Variants in TENM4 observed in about 807,000 individuals in gnomAD.
TENM4 encodes teneurin transmembrane protein 4, also known as teneurin-4.
TENM4 carries 82 observed loss-of-function variants against 243.3 expected under a neutral mutation model. The observed-to-expected ratio is 0.34, with a 90% CI of 0.28 to 0.40. The LOEUF is 0.40. TENM4 is among the 10% of genes least tolerant of loss of function. The pLI, the probability that TENM4 is intolerant of heterozygous loss-of-function variation, is 1.00. For missense variants in TENM4, 3,138 were observed against 3,673.3 expected (o/e 0.85, Z 3.77); for synonymous variants, 1,412 against 1,456.3 (o/e 0.97, Z 0.69).
intron 3 of TENM4, among the ~76,000 whole-genome samples, chr11:79,175,631 G>A (rs1296000989): frequency 6.6e-6 from 1 of 152,082 alleles, no homozygotes; most frequent in Non-Finnish European, 1.5e-5. Context: ...GAAATTAAAG[G>A]CAAACTTGTG....
intron 15 of TENM4, among the ~76,000 whole-genome samples, chr11:78,793,925 A>G (rs1857110883): frequency 6.6e-6 from 1 of 152,240 alleles, no homozygotes; most frequent in Non-Finnish European, 1.5e-5. Context: ...TACATCTTAG[A>G]TCATAGCCCC....
intron 12 of TENM4, among the ~76,000 whole-genome samples, chr11:78,823,982 C>T (rs771402156): frequency 2.0e-5 from 3 of 152,078 alleles, no homozygotes; most frequent in Non-Finnish European, 2.9e-5. Flanking sequence ...TTTCCCATTT[C>T]GTAGATGAGA....
intron 2 of TENM4, among the ~76,000 whole-genome samples, chr11:79,253,095 A>C (rs1454989488): frequency 6.6e-6 from 1 of 152,234 alleles, no homozygotes; most frequent in African/African-American, 2.4e-5. Context: ...ACACGAAAGT[A>C]AACTCAACAA....
chr11:79,298,476 C>G (rs1856494214), intron 1 of TENM4, among the ~76,000 whole-genome samples: 1 of 138,998 alleles, frequency 7.2e-6, no homozygotes, highest in African/African-American at 2.8e-5. Context: ...GATTGCGCCA[C>G]TGCAGTCCGC....
At chr11:79,033,176 T>C (rs143087487) in intron 6 of TENM4, among the ~76,000 whole-genome samples, 1 of 152,222 alleles carries the variant, frequency 6.6e-6, no homozygotes, top group Non-Finnish European at 1.5e-5. Flanking sequence ...AATTTGTTTA[T>C]TGGGTCACCC....
chr11:79,084,843 C>T (rs888321973), intron 4 of TENM4, among the ~76,000 whole-genome samples: 2 of 152,120 alleles, frequency 1.3e-5, no homozygotes, highest in South Asian at 2.1e-4. Context: ...GAAGTAAACA[C>T]GCACATGCAT....
intron 2 of TENM4, among the ~76,000 whole-genome samples, chr11:79,281,965 G>C (rs538730659): frequency 8.5e-5 from 13 of 152,264 alleles, no homozygotes; most frequent in African/African-American, 3.1e-4. Context: ...GCTTGGGCCT[G>C]GAAGGCCCTG....
At chr11:79,088,994 C>T (rs2137047627) in intron 4 of TENM4, among the ~76,000 whole-genome samples, 1 of 152,284 alleles carries the variant, frequency 6.6e-6, no homozygotes, top group South Asian at 2.1e-4. Context: ...CCTGCCTCTC[C>T]TGCAGACCCA....
At chr11:79,100,234 A>G (rs1861192778) in intron 4 of TENM4, among the ~76,000 whole-genome samples, 1 of 152,166 alleles carries the variant, frequency 6.6e-6, no homozygotes, top group Non-Finnish European at 1.5e-5. Context: ...ACTTTTCTCA[A>G]CTTAAAAAGC....
chr11:79,091,465 T>G lies in TENM4; in HGVS notation c.-65-21456A>C, dbSNP rs562146747. 3.3e-5 allele frequency among the ~76,000 whole-genome samples: 5 copies of G among 152,314 alleles called. No homozygotes were observed. The South Asian group carries it at 8.3e-4, about 25-fold the overall frequency. On this transcript the variant is annotated intron_variant, in intron 4 of 33. Transcript: ENST00000278550. ...CATTCCTCTACCCTGCGGAGGAAGCTTCTTTGCAGTCTTCAGCGTAATTTT... is the reference window on the plus strand; with the variant it reads ...CATTCCTCTACCCTGCGGAGGAAGCGTCTTTGCAGTCTTCAGCGTAATTTT...
intron 2 of TENM4, among the ~76,000 whole-genome samples, chr11:79,240,025 A>C (rs927922397): frequency 1.3e-5 from 2 of 152,216 alleles, no homozygotes; most frequent in Non-Finnish European, 1.5e-5. Flanking sequence ...TACTCGTCAC[A>C]GAAAACTATG....
chr11:79,040,320 C>T (rs1859488086), intron 6 of TENM4, among the ~76,000 whole-genome samples: 1 of 152,292 alleles, frequency 6.6e-6, no homozygotes, highest in African/African-American at 2.4e-5. Context: ...GGTGCTCGCT[C>T]AGCTCAGTTT....
chr11:79,319,294 T>G (rs1044325148), intron 1 of TENM4, among the ~76,000 whole-genome samples: 4 of 152,286 alleles, frequency 2.6e-5, no homozygotes, highest in Admixed American at 2.6e-4. Flanking sequence ...TATCCTTCAG[T>G]CAAACTCATT....
intron 2 of TENM4, among the ~76,000 whole-genome samples, chr11:79,229,148 T>A (rs1221090498): frequency 6.6e-6 from 1 of 152,236 alleles, no homozygotes; most frequent in East Asian, 1.9e-4. Context: ...TGGGATGAAC[T>A]GTCCCTTATG....
intron 2 of TENM4, among the ~76,000 whole-genome samples, chr11:79,260,717 G>A (rs1317244625): frequency 1.3e-5 from 2 of 152,090 alleles, no homozygotes; most frequent in Non-Finnish European, 2.9e-5. Flanking sequence ...CAAGCAGCAC[G>A]CCTCCGGTGC....
chr11:79,363,366 G>A (rs535594783), intron 1 of TENM4, among the ~76,000 whole-genome samples: 13 of 152,250 alleles, frequency 8.5e-5, no homozygotes, highest in Non-Finnish European at 1.6e-4. Context: ...CTCCCAACCG[G>A]AATGTAAAAA....
chr11:78,821,074 C>G (rs1422532539), intron 12 of TENM4, among the ~76,000 whole-genome samples: 2 of 152,236 alleles, frequency 1.3e-5, no homozygotes, highest in African/African-American at 2.4e-5. Context: ...CCCTGACAGA[C>G]TGGGCTTGAA....
intron 12 of TENM4, among the ~76,000 whole-genome samples, chr11:78,836,137 C>G (rs929796857): frequency 5.9e-5 from 9 of 152,154 alleles, no homozygotes; most frequent in Non-Finnish European, 1.2e-4. Flanking sequence ...GTGGATGGGT[C>G]ACCTGAGGTC....
chr11:79,168,477 A>T (rs1026309198), intron 3 of TENM4, among the ~76,000 whole-genome samples: 2 of 152,152 alleles, frequency 1.3e-5, no homozygotes, highest in African/African-American at 2.4e-5. Flanking sequence ...TGGCCGGGCA[A>T]AGAGTGGAAC....
Sources: allele counts gnomAD v4.1 joint callset (sites outside exome capture counted in the v4.1 genomes callset), GRCh38; gene constraint gnomAD v4.1.1; transcripts MANE v1.5; gene names NCBI Gene and HGNC (gene_info 2026-07-23, HGNC 2026-07-21).